RABGAP1L: variants seen among roughly 807,000 people sequenced by gnomAD.
The protein encoded by RABGAP1L is rab GTPase-activating protein 1-like.
In RABGAP1L, 63 loss-of-function variants were observed where a neutral mutation model predicts 137.7. The observed-to-expected ratio is 0.46, with a 90% CI of 0.37 to 0.56. RABGAP1L has a LOEUF of 0.56. Among genes scored for constraint, RABGAP1L ranks in the 20% least tolerant of loss-of-function variants. The pLI, the probability that RABGAP1L is intolerant of heterozygous loss-of-function variation, is 0.00. For synonymous variants in RABGAP1L, 431 were observed against 433.7 expected, an observed-to-expected ratio of 0.99 and a Z score of 0.08; for missense variants, 1,095 against 1,244.0, an observed-to-expected ratio of 0.88 and a Z score of 1.80.
chr1:174,814,068 A>G (rs1475719217), intron 19 of RABGAP1L, among the ~76,000 whole-genome samples: 1 of 152,104 alleles, frequency 6.6e-6, no homozygotes, highest in Non-Finnish European at 1.5e-5. Flanking sequence ...TTTTTTCTCC[A>G]ATATAATTTA....
chr1:174,534,788 A>T (rs1363858750), intron 13 of RABGAP1L, among the ~76,000 whole-genome samples: 1 of 150,694 alleles, frequency 6.6e-6, no homozygotes, highest in Non-Finnish European at 1.5e-5. Flanking sequence ...AAAAAAAAAA[A>T]AAAAAAAAAA....
In RABGAP1L at chr1:174,377,366, A is replaced by G. The variant is rs1042399376; in HGVS notation, c.1559+6294A>G. Reference sequence around the variant, plus strand: ...CCAACAAGCTGATTTTAAAATTTATATAGGAAGCAGAGTAACTAGAATAGC... The same window carrying G: ...CCAACAAGCTGATTTTAAAATTTATGTAGGAAGCAGAGTAACTAGAATAGC... On this transcript the variant is annotated intron_variant, in intron 12 of 25. Coordinates refer to ENST00000681986, the MANE Select transcript of RABGAP1L (RefSeq NM_001366446.1). 2.6e-5 allele frequency among the ~76,000 whole-genome samples: 4 copies of G among 152,196 alleles called. No homozygotes were observed. The South Asian group carries it at 6.2e-4, about 24-fold the overall frequency.
intron 13 of RABGAP1L, among the ~76,000 whole-genome samples, chr1:174,405,819 A>C (rs1461613152): frequency 6.6e-6 from 1 of 151,958 alleles, no homozygotes; most frequent in Non-Finnish European, 1.5e-5. Context: ...CTCTACAAAA[A>C]ATACAAAAAT....
chr1:174,383,237 CTT>C (rs1180834778), intron 12 of RABGAP1L, among the ~76,000 whole-genome samples: 2 of 150,074 alleles, frequency 1.3e-5, no homozygotes, highest in African/African-American at 5.0e-5. Context: ...TTACTGCTGT[CTT>C]TTTGTTTGTC....
At chr1:174,479,085 A>G (rs1189078369) in intron 13 of RABGAP1L, among the ~76,000 whole-genome samples, 3 of 152,190 alleles carry the variant, frequency 2.0e-5, no homozygotes, top group Non-Finnish European at 4.4e-5. Context: ...CTGTTGAACA[A>G]TGTGTCTAAG....
intron 13 of RABGAP1L, among the ~76,000 whole-genome samples, chr1:174,573,306 T>C (rs537924124): frequency 6.6e-6 from 1 of 151,920 alleles, no homozygotes; most frequent in Non-Finnish European, 1.5e-5. Flanking sequence ...TGTATATATA[T>C]ATATAATTTG....
chr1:174,563,589 T>G (rs538261787), intron 13 of RABGAP1L, among the ~76,000 whole-genome samples: 1 of 151,904 alleles, frequency 6.6e-6, no homozygotes, highest in East Asian at 1.9e-4. Flanking sequence ...AAACACTAAT[T>G]ATTACTGTGA....
chr1:174,546,476 A>T (rs1010443334), intron 13 of RABGAP1L, among the ~76,000 whole-genome samples: 11 of 152,208 alleles, frequency 7.2e-5, no homozygotes, highest in African/African-American at 2.4e-4. Flanking sequence ...CAAAGTTTAG[A>T]TATTTGTTGT....
chr1:174,615,066 C>G (rs935358013), intron 13 of RABGAP1L, among the ~76,000 whole-genome samples: 2 of 152,214 alleles, frequency 1.3e-5, no homozygotes, highest in African/African-American at 4.8e-5. Context: ...CTGAAGCCTT[C>G]TTCTCTCAAC....
chr1:174,901,253 A>G (rs892726885), intron 19 of RABGAP1L, among the ~76,000 whole-genome samples: 1 of 152,120 alleles, frequency 6.6e-6, no homozygotes. Flanking sequence ...TCGTTCTCAC[A>G]CTGCTAATAA....
At chr1:174,809,789 GGT>G (rs374820874) in intron 18 of RABGAP1L, among the ~76,000 whole-genome samples, 13 of 152,292 alleles carry the variant, frequency 8.5e-5, no homozygotes, top group African/African-American at 3.1e-4. Flanking sequence ...AGGGATGTGT[GGT>G]ACATCTGGTA....
intron 11 of RABGAP1L, among the ~76,000 whole-genome samples, chr1:174,336,250 G>C (rs1681458440): frequency 6.6e-6 from 1 of 152,240 alleles, no homozygotes; most frequent in Non-Finnish European, 1.5e-5. Context: ...TCAGCCTCCT[G>C]AGTAGTTAGG....
chr1:174,311,358 C>G (rs531435313), intron 11 of RABGAP1L, among the ~76,000 whole-genome samples: 2 of 152,256 alleles, frequency 1.3e-5, no homozygotes, highest in South Asian at 4.1e-4. Flanking sequence ...CCCCCATGAT[C>G]CAGTCACCTT....
At chr1:174,716,173 T>C (rs939476264) in intron 17 of RABGAP1L, among the ~76,000 whole-genome samples, 1 of 152,214 alleles carries the variant, frequency 6.6e-6, no homozygotes, top group African/African-American at 2.4e-5. Flanking sequence ...CCATCTGCAG[T>C]TTTCCATCTG....
At chr1:174,949,866 C>A (rs1667453789) in intron 19 of RABGAP1L, among the ~76,000 whole-genome samples, 1 of 152,182 alleles carries the variant, frequency 6.6e-6, no homozygotes, top group Admixed American at 6.5e-5. Flanking sequence ...AAATGCAAGT[C>A]TCCCAAAATT....
In RABGAP1L at chr1:174,301,913, G is replaced by A. The variant is rs117361433; in HGVS notation, c.1324-3073G>A. ...AAATGGGAAGACAGATTCTCAGTCC[G>A]GTTGGTGGATTTGACTTGTAACTTG... On this transcript the variant is annotated intron_variant, in intron 10 of 25. Coordinates refer to ENST00000681986, the MANE Select transcript of RABGAP1L (RefSeq NM_001366446.1). Among the ~76,000 whole-genome samples the A allele has an allele frequency of 8.4e-4, 128 of 152,310 alleles. 2 individuals carry two copies. The East Asian group carries it at 0.022, about 26-fold the overall frequency.
intron 19 of RABGAP1L, among the ~76,000 whole-genome samples, chr1:174,824,669 T>C (rs1376876949): frequency 6.6e-6 from 1 of 152,192 alleles, no homozygotes; most frequent in Non-Finnish European, 1.5e-5. Flanking sequence ...TTAGATTTAC[T>C]GAGTAATTTT....
At chr1:174,912,062 T>A (rs1163451512) in intron 19 of RABGAP1L, among the ~76,000 whole-genome samples, 1 of 152,214 alleles carries the variant, frequency 6.6e-6, no homozygotes, top group African/African-American at 2.4e-5. Flanking sequence ...GTGGCTAGGA[T>A]GTATCATGCC....
chr1:174,973,472 T>G (rs1464708472), intron 21 of RABGAP1L, among the ~76,000 whole-genome samples: 1 of 150,454 alleles, frequency 6.6e-6, no homozygotes. Context: ...GCAACCTCTA[T>G]CTCCTGGTTT....
Sources: allele counts gnomAD v4.1 joint callset (sites outside exome capture counted in the v4.1 genomes callset), GRCh38; gene constraint gnomAD v4.1.1; transcripts MANE v1.5; gene names NCBI Gene and HGNC (gene_info 2026-07-23, HGNC 2026-07-21).